The following SAMD3 variants were observed in gnomAD, a reference collection of about 807,000 sequenced individuals.
SAMD3 encodes the protein sterile alpha motif domain-containing protein 3.
In SAMD3, 63 loss-of-function variants were observed where a neutral mutation model predicts 58.5. The ratio of observed to expected loss-of-function variants is 1.08; its 90% CI spans 0.88 to 1.33. SAMD3 has a LOEUF of 1.33. Among genes scored for constraint, SAMD3 ranks in the 40% most tolerant of loss-of-function variants. The pLI is 0.00. For missense variants in SAMD3, 604 were observed against 608.4 expected, an observed-to-expected ratio of 0.99 and a Z score of 0.08; for synonymous variants, 220 against 210.3, an observed-to-expected ratio of 1.05 and a Z score of -0.40.
chr6:130,243,620 A>T (rs1773438679), intron 2 of SAMD3, among the ~76,000 whole-genome samples: 1 of 152,246 alleles, frequency 6.6e-6, no homozygotes, highest in African/African-American at 2.4e-5. Context: ...TACAGAACTA[A>T]AATTTGACCT....
intron 9 of SAMD3, among the ~76,000 whole-genome samples, chr6:130,148,693 C>T (rs1047577661): frequency 3.3e-5 from 5 of 152,010 alleles, no homozygotes; most frequent in Admixed American, 2.0e-4. Context: ...AGCAACATGG[C>T]GAAATCTGTC....
chr6:130,209,512 T>G lies in SAMD3; in HGVS notation c.366A>C (p.Gln122His). 1 of 1,607,550 alleles carries G rather than the reference T, an allele frequency of 6.2e-7. No homozygotes were observed. Among genetic ancestry groups the G allele is most frequent in the South Asian group, 1.1e-5 (1 of 90,930 alleles). The stretch of plus-strand genomic sequence containing the variant: ...ACCCCCACCTCTGTTTCAATACTCT[T>G]TGGTCAATTAGTCCATTATCAAGGT... ...AENLDNGLID[Q>H]RVLKQRRNVK... Residue 122 changes from glutamine (Q) to histidine (H), a missense_variant, in exon 5 of 12, where the codon CAA (glutamine) becomes CAC (histidine). Physicochemically the swap from Gln to His is conservative, Grantham distance 24. Coordinates refer to ENST00000439090, the MANE Select transcript of SAMD3 (RefSeq NM_001017373.4).
downstream of SAMD3, chr6:130,143,758 A>ATAGT (rs1788388913): frequency 6.6e-6 from 1 of 152,268 alleles, no homozygotes; most frequent in Admixed American, 6.5e-5. Context: ...ACCTTGTGAA[A>ATAGT]TAGTTGGAAA....
At chr6:130,304,455 TG>T (rs1289466063) in intron 2 of SAMD3, among the ~76,000 whole-genome samples, 7 of 152,180 alleles carry the variant, frequency 4.6e-5, no homozygotes, top group African/African-American at 1.7e-4. Context: ...GTGCCAAATT[TG>T]TTCATAAATC....
intron 2 of SAMD3, among the ~76,000 whole-genome samples, chr6:130,304,854 C>T (rs563790): frequency 9.3e-5 from 14 of 149,754 alleles, no homozygotes; most frequent in African/African-American, 1.7e-4. Context: ...TGTAATTTTT[C>T]TACAAAGTGC....
upstream of SAMD3, among the ~76,000 whole-genome samples, chr6:130,226,705 G>A (rs1408161617): frequency 6.6e-6 from 1 of 152,124 alleles, no homozygotes; most frequent in Non-Finnish European, 1.5e-5. Context: ...TGTAATCCCA[G>A]CTACTGTCAG....
intron 8 of SAMD3, among the ~76,000 whole-genome samples, chr6:130,169,934 G>A: frequency 6.6e-6 from 1 of 152,050 alleles, no homozygotes; most frequent in Non-Finnish European, 1.5e-5. Context: ...GAAAAAGAGG[G>A]GAAACTGAAT....
At chr6:130,215,628 G>C in intron 2 of SAMD3, 1 of 1,388,072 alleles carries the variant, frequency 7.2e-7, no homozygotes, top group Non-Finnish European at 9.3e-7. Flanking sequence ...TTAACACCCA[G>C]GTTTCTTCAC....
At chr6:130,308,404 TATTCTA>T (rs1562513142) in intron 2 of SAMD3, among the ~76,000 whole-genome samples, 1 of 131,610 alleles carries the variant, frequency 7.6e-6, no homozygotes, top group Non-Finnish European at 1.6e-5. Flanking sequence ...TATTCTATTC[TATTCTA>T]TTCTATTCTA....
rs1286128933 is a variant in SAMD3 at position 130,319,196 on chromosome 6, G to T, written c.-303-6103C>A. Reference sequence around the variant, plus strand: ...TACAGGAGAATTTGGAACCCCCACAGGAGAAGAGAGAGAGGGACAGAAAAA... The same window carrying T: ...TACAGGAGAATTTGGAACCCCCACATGAGAAGAGAGAGAGGGACAGAAAAA... On this transcript the variant is annotated intron_variant, in intron 1 of 13. Coordinates refer to the SAMD3 transcript ENST00000368134. Among the ~76,000 whole-genome samples the T allele has an allele frequency of 2.0e-5, 3 of 152,072 alleles. No individual in the cohort carries two copies. The East Asian group carries it at 5.8e-4, about 29-fold the overall frequency.
chr6:130,309,602 G>A (rs1413920526), intron 2 of SAMD3, among the ~76,000 whole-genome samples: 4 of 152,152 alleles, frequency 2.6e-5, no homozygotes, highest in Admixed American at 2.0e-4. Context: ...AAGTCAAAGC[G>A]CATCTAGCCA....
intron 1 of SAMD3, among the ~76,000 whole-genome samples, chr6:130,345,780 T>C (rs532189988): frequency 6.6e-5 from 10 of 152,274 alleles, no homozygotes; most frequent in African/African-American, 2.4e-4. Context: ...CCTGCCTGAC[T>C]TCACATATGA....
chr6:130,162,644 G>GAA, intron 8 of SAMD3, among the ~76,000 whole-genome samples: 1 of 151,978 alleles, frequency 6.6e-6, no homozygotes, highest in Non-Finnish European at 1.5e-5. Context: ...TCTGGTCCCT[G>GAA]AATAATTCTT....
intron 1 of SAMD3, among the ~76,000 whole-genome samples, chr6:130,313,265 AT>A (rs1450993352): frequency 1.3e-5 from 2 of 152,136 alleles, no homozygotes; most frequent in African/African-American, 4.8e-5. Context: ...CACTATTGAC[AT>A]TTTGTGCTGG....
At chr6:130,213,691 C>A (rs1475072315) in intron 4 of SAMD3, among the ~76,000 whole-genome samples, 1 of 152,184 alleles carries the variant, frequency 6.6e-6, no homozygotes, top group South Asian at 2.1e-4. Context: ...GTTATCATTT[C>A]TTTTCATTGC....
chr6:130,144,649 A>C lies in SAMD3; in HGVS notation c.1434T>G (p.Ile478Met). 1 of 1,614,152 alleles carries C rather than the reference A, an allele frequency of 6.2e-7. No homozygotes were observed. Among genetic ancestry groups the C allele is most frequent in the Non-Finnish European group, 8.5e-7 (1 of 1,180,010 alleles). The change falls in exon 12 of 12, where the codon ATT (isoleucine) becomes ATG (methionine). Residue 478 changes from isoleucine to methionine, a missense_variant. Coordinates refer to ENST00000439090, the MANE Select transcript of SAMD3 (RefSeq NM_001017373.4). Reference sequence around the variant, plus strand: ...TTTGGGACAGTCTTCTTGGACACTCAATCCTAAATACATGAAAGGCAGCTA... The same window carrying C: ...TTTGGGACAGTCTTCTTGGACACTCCATCCTAAATACATGAAAGGCAGCTA... ...ALVAAFHVFR[I>M]ECPRRLSQTF...
At chr6:130,315,673 G>A (rs1247029958) in intron 1 of SAMD3, among the ~76,000 whole-genome samples, 1 of 151,794 alleles carries the variant, frequency 6.6e-6, no homozygotes, top group African/African-American at 2.4e-5. Context: ...TAACTTACCT[G>A]TTATTCCTTT....
intron 2 of SAMD3, among the ~76,000 whole-genome samples, chr6:130,279,778 C>A (rs1416766150): frequency 6.6e-6 from 1 of 152,122 alleles, no homozygotes; most frequent in Non-Finnish European, 1.5e-5. Flanking sequence ...AGCCACTGTG[C>A]CTGGCCTAAA....
chr6:130,275,843 C>T (rs998466675), intron 2 of SAMD3, among the ~76,000 whole-genome samples: 1 of 152,094 alleles, frequency 6.6e-6, no homozygotes, highest in Non-Finnish European at 1.5e-5. Context: ...TTTTCTCCCC[C>T]TCTAACTCTT....
Sources: allele counts gnomAD v4.1 joint callset (sites outside exome capture counted in the v4.1 genomes callset), GRCh38; gene constraint gnomAD v4.1.1; transcripts MANE v1.5; gene names NCBI Gene and HGNC (gene_info 2026-07-23, HGNC 2026-07-21).